Variants in ATPAF2 observed in about 807,000 individuals in gnomAD.
ATPAF2 encodes ATP12 homolog.
Under a neutral mutation model 36.6 loss-of-function variants are expected in ATPAF2, and 30 were observed. The observed-to-expected ratio is 0.82, with a 90% CI of 0.61 to 1.11. The LOEUF is 1.11. Ranked by LOEUF, ATPAF2 falls within the 50% of genes most tolerant of loss-of-function variation. The pLI is 0.00. For synonymous variants in ATPAF2, 140 were observed against 152.6 expected (o/e 0.92, Z 0.61); for missense variants, 321 against 372.3 (o/e 0.86, Z 1.13).
chr17:18,032,306 G>A (rs1353705829), intron 1 of ATPAF2, among the ~76,000 whole-genome samples: 2 of 152,212 alleles, frequency 1.3e-5, no homozygotes, highest in Admixed American at 6.5e-5. Context: ...AAAGCTCCTG[G>A]GACAGCCAGG....
In ATPAF2 at chr17:18,028,270, A is replaced by T; in HGVS notation, c.286T>A (p.Ser96Thr). The part of the protein sequence containing the change: ...LAIAVATEWD[S>T]QQDTIKYYTM... ...TAGTACTTGATGGTATCCTGCTGGG[A>T]ATCCCACTCAGTAGCCACTGCAATG... Residue 96 changes from serine (S) to threonine (T), a missense_variant, in exon 3 of 8, where the codon TCC (serine) becomes ACC (threonine). Ser to Thr is a moderately conservative substitution (Grantham distance 58). Coordinates refer to ENST00000474627, the MANE Select transcript of ATPAF2 (RefSeq NM_145691.4). 2 of 1,614,142 alleles carry T rather than the reference A, an allele frequency of 1.2e-6. No individual in the cohort carries two copies. Among genetic ancestry groups the T allele is most frequent in the South Asian group, 2.2e-5 (2 of 91,080 alleles).
downstream of ATPAF2, chr17:18,015,988 C>T (rs2044346938): frequency 2.0e-6 from 3 of 1,536,038 alleles, no homozygotes; most frequent in Non-Finnish European, 2.7e-6. Flanking sequence ...TCCAAATGCT[C>T]CTTCTCTGTT....
chr17:18,024,085 T>C (rs1472812650), intron 5 of ATPAF2, among the ~76,000 whole-genome samples: 1 of 152,262 alleles, frequency 6.6e-6, no homozygotes, highest in Admixed American at 6.5e-5. Context: ...AGTACAGCAA[T>C]TGTGACAAAG....
At chr17:18,027,170 G>A (rs2044559339) in intron 3 of ATPAF2, among the ~76,000 whole-genome samples, 2 of 151,520 alleles carry the variant, frequency 1.3e-5, no homozygotes, top group African/African-American at 4.9e-5. Flanking sequence ...GCAGTGAGCC[G>A]AGATTATGCC....
intron 6 of ATPAF2, 66 bp downstream of exon 6, chr17:18,021,679 T>C (rs2044470478): frequency 7.1e-7 from 1 of 1,398,694 alleles, no homozygotes; most frequent in Non-Finnish European, 1.0e-6. Flanking sequence ...GAGGGGCAAG[T>C]ACAGGCTTCA....
At chr17:18,029,575 CTTTA>C (rs1361606034) in intron 1 of ATPAF2, among the ~76,000 whole-genome samples, 24 of 151,944 alleles carry the variant, frequency 1.6e-4, no homozygotes, top group East Asian at 9.7e-4. Flanking sequence ...AAATCATTTG[CTTTA>C]TTTATTTATT....
intron 1 of ATPAF2, among the ~76,000 whole-genome samples, chr17:18,038,022 A>G (rs1008888088): frequency 2.6e-5 from 4 of 152,238 alleles, no homozygotes; most frequent in Non-Finnish European, 2.9e-5. Context: ...GTCCCTTATC[A>G]GGATATTATA....
chr17:18,016,043 T>C, downstream of ATPAF2: 4 of 1,612,258 alleles, frequency 2.5e-6, no homozygotes, highest in East Asian at 4.5e-5. Flanking sequence ...ACTTTCTCAT[T>C]GGATTCTTTT....
intron 1 of ATPAF2, among the ~76,000 whole-genome samples, chr17:18,030,317 T>A (rs2044608359): frequency 1.4e-5 from 1 of 70,338 alleles, no homozygotes; most frequent in African/African-American, 8.1e-5. Context: ...CAAGACTCCA[T>A]CTCAAAAAAA....
chr17:18,032,101 G>A (rs1248816830), intron 1 of ATPAF2, among the ~76,000 whole-genome samples: 3 of 152,200 alleles, frequency 2.0e-5, no homozygotes, highest in African/African-American at 7.2e-5. Flanking sequence ...AAGTTGGGAA[G>A]GGCTCTGAAA....
At chr17:18,018,832 G>A (rs2145482282) in intron 7 of ATPAF2, 146 bp from the exon 8 acceptor site, 1 of 1,217,366 alleles carries the variant, frequency 8.2e-7, no homozygotes, top group Non-Finnish European at 1.2e-6. Context: ...AGGGGGAGGT[G>A]GCAGGTAAGA....
downstream of ATPAF2, among the ~76,000 whole-genome samples, chr17:18,017,831 A>G (rs912615246): frequency 6.6e-6 from 1 of 152,212 alleles, no homozygotes; most frequent in African/African-American, 2.4e-5. Flanking sequence ...CTGGGACACT[A>G]GAGGTGGCTA....
chr17:18,017,843 G>T (rs1188329227), downstream of ATPAF2, among the ~76,000 whole-genome samples: 1 of 152,232 alleles, frequency 6.6e-6, no homozygotes, highest in Non-Finnish European at 1.5e-5. Context: ...AGGTGGCTAT[G>T]TCAGGAGGAC....
chr17:18,031,835 T>A (rs1007049765), intron 1 of ATPAF2, among the ~76,000 whole-genome samples: 11 of 152,068 alleles, frequency 7.2e-5, no homozygotes. Flanking sequence ...CAAGATGATG[T>A]TGTCTTACTA....
In ATPAF2 at chr17:18,038,974, G is replaced by T. The variant is rs143241583; in HGVS notation, c.40C>A (p.Arg14Ser). The T allele has an allele frequency of 6.2e-7, 1 of 1,612,698 alleles. No individual in the cohort carries two copies. Among genetic ancestry groups the T allele is most frequent in the Non-Finnish European group, 8.5e-7 (1 of 1,179,460 alleles). Residue 14 changes from arginine (R) to serine (S), a missense_variant, in exon 1 of 8, where the codon CGT becomes AGT. This residue lies in a region of ATPAF2 where 69 missense variants were observed against 60.1 expected (regional missense o/e 1.15). Transcript: ENST00000474627. ...CCACCCGCCGGCCGATTCAGGAGACGGCGTCCCCCGTCCCGCAGCCGGAGG... is the reference window on the plus strand; with the variant it reads ...CCACCCGCCGGCCGATTCAGGAGACTGCGTCCCCCGTCCCGCAGCCGGAGG... ...SCLRLRDGGR[R>S]LLNRPAGGPS...
rs570077743 is a variant in ATPAF2 at position 18,028,538 on chromosome 17, A to T, written c.178+77T>A. 32 of 1,525,244 alleles carry T rather than the reference A, an allele frequency of 2.1e-5. No homozygotes were observed. In the African/African-American group the frequency reaches 4.3e-4, roughly 21 times the overall value. The allele number at this position is 1,525,244 out of a possible 1,614,324, so 94.5% of individuals were successfully genotyped here. Reference sequence around the variant, plus strand: ...GGAAGGATAATCGCACCATGAAACCAGCTGAAGATGAAAAATGTTCCCAAC... The same window carrying T: ...GGAAGGATAATCGCACCATGAAACCTGCTGAAGATGAAAAATGTTCCCAAC... On this transcript the variant is annotated intron_variant, in intron 2 of 7. Transcript: ENST00000474627.
rs142604577 is a variant in ATPAF2, at chr17:18,018,614, C to T, written c.805G>A (p.Gly269Ser). ...GAGCAGAGATGGATGAAGAGGGTGC[C>T]GGCGGCGGTGCGGGCCCGCAGCTCC... ...LQELRARTAA[G>S]TLFIHLCSES... is the part of the protein sequence containing the mutation. The change falls in exon 8 of 8, where the codon GGC becomes AGC. Residue 269 changes from glycine (G) to serine (S), a missense_variant. Gly to Ser is a moderately conservative substitution (Grantham distance 56, BLOSUM62 0). Transcript: ENST00000474627. 171 of 1,613,990 alleles carry T rather than the reference C, an allele frequency of 1.1e-4. No homozygotes were observed. In the African/African-American group the frequency reaches 1.5e-3, roughly 14 times the overall value.
At chr17:18,028,171 G>T (rs200168749) in intron 3 of ATPAF2, 61 bp downstream of exon 3, 5 of 1,607,954 alleles carry the variant, frequency 3.1e-6, no homozygotes, top group Non-Finnish European at 4.3e-6. Flanking sequence ...TTGGTAAAGG[G>T]TCTACCCTAC....
At chr17:18,036,565 G>C (rs1467669264) in intron 1 of ATPAF2, among the ~76,000 whole-genome samples, 5 of 147,794 alleles carry the variant, frequency 3.4e-5, no homozygotes, top group African/African-American at 1.3e-4. Context: ...GACAGTGCAA[G>C]ACTCTGTCTC....
Sources: allele counts gnomAD v4.1 joint callset (sites outside exome capture counted in the v4.1 genomes callset), GRCh38; gene constraint gnomAD v4.1.1; regional missense constraint gnomAD v4.1.1; transcripts MANE v1.5; gene names NCBI Gene and HGNC (gene_info 2026-07-23, HGNC 2026-07-21).